Variants in CDH4 observed in about 807,000 individuals in gnomAD.
The protein encoded by CDH4 is cadherin-4.
A neutral mutation model predicts 86.0 loss-of-function variants in CDH4; 33 were observed. That is an observed-to-expected ratio of 0.38 (90% CI 0.29 to 0.51). The LOEUF (loss-of-function observed/expected upper bound fraction) is 0.51, where lower values mean the gene tolerates loss of function less well. Among genes scored for constraint, CDH4 ranks in the 20% least tolerant of loss-of-function variants. CDH4 has a pLI of 0.86. For synonymous variants in CDH4, 555 were observed against 549.4 expected (o/e 1.01, Z -0.14); for missense variants, 1,114 against 1,307.4 (o/e 0.85, Z 2.28).
At chr20:61,747,684 G>A (rs981179610) in intron 3 of CDH4, among the ~76,000 whole-genome samples, 1 of 152,192 alleles carries the variant, frequency 6.6e-6, no homozygotes, top group African/African-American at 2.4e-5. Flanking sequence ...TGAAGAATTA[G>A]TGAAGCAAAA....
rs565876904 is a variant in CDH4 at position 61,358,508 on chromosome 20, A to G, written c.169+103571A>G. Among the ~76,000 whole-genome samples, 7 of 152,344 alleles carry G rather than the reference A, an allele frequency of 4.6e-5. No individual in the cohort carries two copies. The East Asian group carries it at 1.4e-3, about 29-fold the overall frequency. ...AAGCTGAATAAACTATAAGCTTCCC[A>G]TCACCTCCCTCCTAATTATTTTTGA... is the stretch of plus-strand genomic sequence containing the variant. On this transcript the variant is annotated intron_variant, in intron 2 of 15. Transcript: ENST00000614565.
chr20:61,625,259 G>T (rs1306357534), intron 2 of CDH4, among the ~76,000 whole-genome samples: 1 of 152,224 alleles, frequency 6.6e-6, no homozygotes, highest in Non-Finnish European at 1.5e-5. Context: ...CGACCGCAGG[G>T]AGGGAGAGGC....
At chr20:61,590,381 G>A (rs1166081578) in intron 2 of CDH4, among the ~76,000 whole-genome samples, 8 of 152,140 alleles carry the variant, frequency 5.3e-5, no homozygotes, top group Non-Finnish European at 1.0e-4. Flanking sequence ...CAGCCCTGGC[G>A]TTTCCTGCAC....
In CDH4 at chr20:61,282,441, T is replaced by A. The variant is rs577639747; in HGVS notation, c.169+27504T>A. ...CTGTATTTTCAAAATGCCAAAAAAATTATTGTTAAAGACTTTAGAAAACAG... is the reference window on the plus strand; with the variant it reads ...CTGTATTTTCAAAATGCCAAAAAAAATATTGTTAAAGACTTTAGAAAACAG... On this transcript the variant is annotated intron_variant, in intron 2 of 15. Coordinates refer to ENST00000614565, the MANE Select transcript of CDH4 (RefSeq NM_001794.5). 6.2e-4 allele frequency among the ~76,000 whole-genome samples: 94 copies of A among 152,290 alleles called. 1 individual carries two copies. Among genetic ancestry groups the A allele is most frequent in the African/African-American group, 1.9e-3 (78 of 41,558 alleles).
At chr20:61,612,816 C>CT (rs1450622437) in intron 2 of CDH4, among the ~76,000 whole-genome samples, 1 of 152,110 alleles carries the variant, frequency 6.6e-6, no homozygotes, top group African/African-American at 2.4e-5. Context: ...CAGGGCTTGG[C>CT]TTTGGCATTT....
At chr20:61,554,901 G>T (rs1388123625) in intron 2 of CDH4, among the ~76,000 whole-genome samples, 3 of 152,264 alleles carry the variant, frequency 2.0e-5, no homozygotes, top group African/African-American at 7.2e-5. Flanking sequence ...ACATGTATGT[G>T]TGCAGACATG....
chr20:61,309,618 G>C (rs1452460530), intron 2 of CDH4, among the ~76,000 whole-genome samples: 1 of 152,214 alleles, frequency 6.6e-6, no homozygotes, highest in Admixed American at 6.5e-5. Context: ...ACAAAACTTT[G>C]AAAAGTTTCC....
At chr20:61,750,042 C>T (rs941995971) in intron 3 of CDH4, among the ~76,000 whole-genome samples, 17 of 151,886 alleles carry the variant, frequency 1.1e-4, no homozygotes, top group Admixed American at 7.2e-4. Context: ...GCCTGGGCAA[C>T]ACAGCAAGAC....
At chr20:61,443,272 T>G (rs2085323883) in intron 2 of CDH4, among the ~76,000 whole-genome samples, 1 of 152,206 alleles carries the variant, frequency 6.6e-6, no homozygotes, top group African/African-American at 2.4e-5. Flanking sequence ...AGAGTCTTCC[T>G]TGTTATGCCG....
intron 2 of CDH4, among the ~76,000 whole-genome samples, chr20:61,467,136 A>G (rs1381402313): frequency 3.9e-5 from 6 of 152,204 alleles, no homozygotes; most frequent in Admixed American, 1.3e-4. Context: ...AATCATCTCT[A>G]TTTCACAGAT....
At chr20:61,637,081 C>T (rs1344173623) in intron 2 of CDH4, among the ~76,000 whole-genome samples, 4 of 152,174 alleles carry the variant, frequency 2.6e-5, no homozygotes, top group Admixed American at 6.5e-5. Flanking sequence ...TTTGTTTTGC[C>T]TTCTTTGCTT....
chr20:61,376,260 G>A (rs1157150297), intron 2 of CDH4, among the ~76,000 whole-genome samples: 4 of 152,058 alleles, frequency 2.6e-5, no homozygotes, highest in Non-Finnish European at 5.9e-5. Flanking sequence ...TGGTGGTGAT[G>A]TGCTTTGAAA....
intron 2 of CDH4, among the ~76,000 whole-genome samples, chr20:61,553,141 A>G (rs775196271): frequency 6.6e-6 from 1 of 152,372 alleles, no homozygotes; most frequent in Non-Finnish European, 1.5e-5. Context: ...TACAACATAG[A>G]TAAGCATTGG....
chr20:61,896,193 C>T (rs868421627), intron 8 of CDH4, among the ~76,000 whole-genome samples: 33 of 152,318 alleles, frequency 2.2e-4, no homozygotes, highest in African/African-American at 7.7e-4. Flanking sequence ...GCAGAGCTAG[C>T]CTCTGATCCC....
intron 2 of CDH4, among the ~76,000 whole-genome samples, chr20:61,576,553 C>G (rs1437289602): frequency 6.6e-6 from 1 of 152,168 alleles, no homozygotes; most frequent in African/African-American, 2.4e-5. Flanking sequence ...GCATCCCCTC[C>G]CTGACCGGAG....
intron 2 of CDH4, among the ~76,000 whole-genome samples, chr20:61,279,247 A>C (rs1242885114): frequency 6.6e-6 from 1 of 152,166 alleles, no homozygotes; most frequent in African/African-American, 2.4e-5. Flanking sequence ...CATGCTGTCT[A>C]CCTGGCCATA....
chr20:61,323,036 CA>C (rs1234015675), intron 2 of CDH4, among the ~76,000 whole-genome samples: 1 of 152,172 alleles, frequency 6.6e-6, no homozygotes, highest in African/African-American at 2.4e-5. Context: ...AGCCAGCATC[CA>C]AGGGCCTGAG....
At chr20:61,300,683 C>T (rs2084381433) in intron 2 of CDH4, among the ~76,000 whole-genome samples, 1 of 152,224 alleles carries the variant, frequency 6.6e-6, no homozygotes, top group Non-Finnish European at 1.5e-5. Context: ...GGCCCCCACA[C>T]CCAGCCTTCC....
chr20:61,254,847 A>T lies in CDH4; in HGVS notation c.79A>T (p.Thr27Ser). The T allele has an allele frequency of 6.2e-7, 1 of 1,609,368 alleles. No individual in the cohort carries two copies. Among genetic ancestry groups the T allele is most frequent in the Non-Finnish European group, 8.5e-7 (1 of 1,175,602 alleles). Residue 27 changes from threonine (T) to serine (S), a missense_variant, in exon 2 of 16, where the codon ACT becomes TCT. Around this residue, in one of 3 missense-constraint regions of CDH4, gnomAD observed 221 missense variants for 209.5 expected, o/e 1.05. Transcript: ENST00000614565. Reference sequence around the variant, plus strand: ...TCAGGCCCATAATGAGGATCTTACAACTAGAGAGACCTGCAAGGCTGGGTT... The same window carrying T: ...TCAGGCCCATAATGAGGATCTTACATCTAGAGAGACCTGCAAGGCTGGGTT... ...ALRAHNEDLT[T>S]RETCKAGFSE...
Sources: gnomAD v4.1 joint callset for allele counts (sites outside exome capture counted in the v4.1 genomes callset) on GRCh38, gnomAD v4.1.1 for gene constraint, gnomAD v4.1.1 regional missense constraint, MANE v1.5 for transcripts, NCBI Gene and HGNC (gene_info 2026-07-23, HGNC 2026-07-21) for gene names.